Variants in STX7 observed in about 807,000 individuals in gnomAD.
STX7 encodes syntaxin 7.
Under a neutral mutation model 39.6 loss-of-function variants are expected in STX7, and 34 were observed. The ratio of observed to expected loss-of-function variants is 0.86; its 90% CI spans 0.65 to 1.14. The LOEUF (loss-of-function observed/expected upper bound fraction) is 1.14. STX7 is among the 50% of genes most tolerant of loss of function. The pLI is 0.00. For missense variants in STX7, 284 were observed against 310.4 expected, an observed-to-expected ratio of 0.92 and a Z score of 0.64; for synonymous variants, 119 against 99.1, an observed-to-expected ratio of 1.20 and a Z score of -1.19.
intron 2 of STX7, among the ~76,000 whole-genome samples, chr6:132,490,796 T>C (rs1775260895): frequency 2.6e-5 from 4 of 152,096 alleles, no homozygotes; most frequent in Admixed American, 2.6e-4. Flanking sequence ...CAGGAGGCCA[T>C]GGGCTGCCGA....
intron 6 of STX7, 150 bp downstream of exon 6, chr6:132,470,424 T>G (rs536058892): frequency 5.4e-4 from 242 of 449,386 alleles, no homozygotes; most frequent in Non-Finnish European, 7.9e-4. Context: ...TACTTAAAAT[T>G]TTTTTCAAAT....
At chr6:132,478,691 C>T (rs970486977) in intron 2 of STX7, among the ~76,000 whole-genome samples, 1 of 152,180 alleles carries the variant, frequency 6.6e-6, no homozygotes, top group South Asian at 2.1e-4. Flanking sequence ...CAGGTGGTGA[C>T]TCCAACTGCA....
At chr6:132,480,238 T>C (rs116735958) in intron 2 of STX7, among the ~76,000 whole-genome samples, 2,014 of 152,292 alleles carry the variant, frequency 0.013, 27 homozygotes, top group Middle Eastern at 0.034. Flanking sequence ...TATTCTGTTA[T>C]CTAGAAGCTG....
At position 132,456,624 on chromosome 6, in the gene STX7, T is replaced by C. The variant is rs1057114694; in HGVS notation, c.*4134A>G. 5 of 152,154 alleles carry C rather than the reference T, an allele frequency of 3.3e-5. No homozygotes were observed. The highest frequency in any genetic ancestry group is 1.2e-4 in the African/African-American group (5 of 41,438). 9.4% of individuals were successfully genotyped at this position (152,154 alleles called of 1,614,324 possible). On this transcript the variant is annotated 3_prime_UTR_variant, in exon 10 of 10. Coordinates refer to ENST00000367941, the MANE Select transcript of STX7 (RefSeq NM_003569.3). Reference sequence around the variant, plus strand: ...TTAGTATATGTATTTTTTATTTTGGTTGGAAAAAAATGACTTGCTTACCAT... The same window carrying C: ...TTAGTATATGTATTTTTTATTTTGGCTGGAAAAAAATGACTTGCTTACCAT...
rs1019465595 is a variant in STX7, at chr6:132,460,469, GTAAA to G, written c.*285_*288del. 4 of 220,118 alleles carry G rather than the reference GTAAA, an allele frequency of 1.8e-5. No homozygotes were observed. The highest frequency in any genetic ancestry group is 2.6e-4 in the South Asian group (2 of 7,750). The allele number at this position is 220,118 out of a possible 1,614,324, so 13.6% of individuals were successfully genotyped here. On this transcript the variant is annotated 3_prime_UTR_variant, in exon 10 of 10. Coordinates refer to ENST00000367941, the MANE Select transcript of STX7 (RefSeq NM_003569.3). ...AATTCCCAAAACTAAGTCAAGCAGG[GTAAA>G]TAAATTATAAATGAAAGGCATATGC... is the stretch of plus-strand genomic sequence containing the variant.
rs1445053864 is a variant in STX7, at chr6:132,459,942, G to A, written c.*816C>T. The A allele has an allele frequency of 5.3e-5, 8 of 152,282 alleles. No individual in the cohort carries two copies. Among genetic ancestry groups the A allele is most frequent in the African/African-American group, 1.9e-4 (8 of 41,560 alleles). The allele number at this position is 152,282 out of a possible 1,614,324, so 9.4% of individuals were successfully genotyped here. On this transcript the variant is annotated 3_prime_UTR_variant, in exon 10 of 10. Coordinates refer to ENST00000367941, the MANE Select transcript of STX7 (RefSeq NM_003569.3). ...ATGGCCCACAAAACCAGATGATATGGTTAAGATAACTAGTTTAGTGGAATA... is the reference window on the plus strand; with the variant it reads ...ATGGCCCACAAAACCAGATGATATGATTAAGATAACTAGTTTAGTGGAATA...
Position 132,457,454 on chromosome 6 carries a change from T to C in STX7, c.*3304A>G, listed in dbSNP as rs1014889894. The C allele has an allele frequency of 6.6e-6, 1 of 152,206 alleles. No homozygotes were observed. The highest frequency in any genetic ancestry group is 1.5e-5 in the Non-Finnish European group (1 of 68,038). The allele number at this position is 152,206 out of a possible 1,614,324, so 9.4% of individuals were successfully genotyped here. A position where few individuals can be genotyped will look rare whatever the true frequency, so the allele number is the denominator to read the frequency against. ...TCCTAAATACTCAGAAAAAAATGGT[T>C]TTATCTTAATTGATTTATAAATTAT... On this transcript the variant is annotated 3_prime_UTR_variant, in exon 10 of 10. Coordinates refer to ENST00000367941, the MANE Select transcript of STX7 (RefSeq NM_003569.3).
In STX7 at chr6:132,455,712, T is replaced by G. The variant is rs1046736646; in HGVS notation, c.*5046A>C. On this transcript the variant is annotated 3_prime_UTR_variant, in exon 10 of 10. Coordinates refer to ENST00000367941, the MANE Select transcript of STX7 (RefSeq NM_003569.3). ...CTATTTAGTGTGTTATTTAGCTCTA[T>G]TTCTGCATTTAAAATTAGGATTATT... The G allele has an allele frequency of 1.1e-4, 16 of 152,202 alleles. No homozygotes were observed. The highest frequency in any genetic ancestry group is 3.9e-4 in the African/African-American group (16 of 41,456). The allele number at this position is 152,202 out of a possible 1,614,324, so 9.4% of individuals were successfully genotyped here.
chr6:132,499,748 T>A (rs911118530), intron 2 of STX7, among the ~76,000 whole-genome samples: 3 of 152,206 alleles, frequency 2.0e-5, no homozygotes, highest in Non-Finnish European at 4.4e-5. Context: ...ACTTTACACC[T>A]ATGGTTTTAA....
intron 5 of STX7, 121 bp from the exon 6 acceptor site, chr6:132,470,747 A>C (rs913718116): frequency 1.7e-6 from 1 of 582,968 alleles, no homozygotes; most frequent in African/African-American, 1.9e-5. Flanking sequence ...GTCTGTGTGT[A>C]TGTGTGTGTG....
At chr6:132,480,687 C>T (rs1774995883) in intron 2 of STX7, among the ~76,000 whole-genome samples, 1 of 152,192 alleles carries the variant, frequency 6.6e-6, no homozygotes, top group Non-Finnish European at 1.5e-5. Context: ...ACCACATAGC[C>T]TGTGAGCAGG....
intron 2 of STX7, among the ~76,000 whole-genome samples, chr6:132,486,583 G>A (rs181721800): frequency 5.3e-5 from 8 of 151,716 alleles, no homozygotes; most frequent in East Asian, 3.9e-4. Context: ...TAAAATATTG[G>A]TGATTTGATT....
intron 8 of STX7, among the ~76,000 whole-genome samples, chr6:132,468,160 C>T (rs1720607775): frequency 6.6e-6 from 1 of 152,120 alleles, no homozygotes; most frequent in Non-Finnish European, 1.5e-5. Flanking sequence ...CAGCAATAGG[C>T]CCTGATTAAA....
At chr6:132,477,520 AC>A (rs1774903821) in intron 2 of STX7, among the ~76,000 whole-genome samples, 1 of 152,172 alleles carries the variant, frequency 6.6e-6, no homozygotes, top group Non-Finnish European at 1.5e-5. Context: ...ATAGCAAAAT[AC>A]ATTTTTAATA....
chr6:132,447,184 G>C lies in STX7; in HGVS notation c.*13574C>G, dbSNP rs899412622. 1 of 152,176 alleles carries C rather than the reference G, an allele frequency of 6.6e-6. No individual in the cohort carries two copies. Among genetic ancestry groups the C allele is most frequent in the African/African-American group, 2.4e-5 (1 of 41,454 alleles). 9.4% of individuals were successfully genotyped at this position (152,176 alleles called of 1,614,324 possible). On this transcript the variant is annotated 3_prime_UTR_variant, in exon 10 of 10. Transcript: ENST00000367941. ...CTTTTAAGTAAAACACCCTAAGATGGAACTTACTGTGTAGTGGAAAGAGTT... is the reference window on the plus strand; with the variant it reads ...CTTTTAAGTAAAACACCCTAAGATGCAACTTACTGTGTAGTGGAAAGAGTT...
In STX7 at chr6:132,448,917, A is replaced by C. The variant is rs1418408173; in HGVS notation, c.*11841T>G. The C allele has an allele frequency of 6.7e-6, 1 of 150,370 alleles. No homozygotes were observed. The highest frequency in any genetic ancestry group is 1.5e-5 in the Non-Finnish European group (1 of 67,622). 9.3% of individuals were successfully genotyped at this position (150,370 alleles called of 1,614,324 possible). ...ATAAGTTATTCTGGCTGCTTTTAAG[A>C]TATCTTTGCCTTTATTGTTCTGAAG... On this transcript the variant is annotated 3_prime_UTR_variant, in exon 10 of 10. Transcript: ENST00000367941.
In STX7 at chr6:132,468,478, A is replaced by G; in HGVS notation, c.538-3T>C. On this transcript the variant is annotated splice_region_variant and splice_polypyrimidine_tract_variant and intron_variant, in intron 7 of 9. Transcript: ENST00000367941. ...TCATTAATATCCATAATATCAGCCT[A>G]AGAGAAAACGCATATATTATTATAA... is the stretch of plus-strand genomic sequence containing the variant. 1 of 1,591,650 alleles carries G rather than the reference A, an allele frequency of 6.3e-7. No homozygotes were observed. The highest frequency in any genetic ancestry group is 1.8e-5 in the Admixed American group (1 of 55,390).
At position 132,448,932 on chromosome 6, in the gene STX7, T is replaced by C. The variant is rs1032645209; in HGVS notation, c.*11826A>G. 1 of 152,082 alleles carries C rather than the reference T, an allele frequency of 6.6e-6. No individual in the cohort carries two copies. Among genetic ancestry groups the C allele is most frequent in the Non-Finnish European group, 1.5e-5 (1 of 68,008 alleles). 9.4% of individuals were successfully genotyped at this position (152,082 alleles called of 1,614,324 possible). On this transcript the variant is annotated 3_prime_UTR_variant, in exon 10 of 10. Coordinates refer to ENST00000367941, the MANE Select transcript of STX7 (RefSeq NM_003569.3). ...TGCTTTTAAGATATCTTTGCCTTTA[T>C]TGTTCTGAAGTTTGAGTATAATGAA...
intron 2 of STX7, among the ~76,000 whole-genome samples, chr6:132,480,093 T>C (rs973798224): frequency 6.6e-6 from 1 of 152,036 alleles, no homozygotes; most frequent in Admixed American, 6.6e-5. Context: ...CCCGACCCCA[T>C]GCTTCTACCA....
Sources: gnomAD v4.1 joint callset for allele counts (sites outside exome capture counted in the v4.1 genomes callset) on GRCh38, gnomAD v4.1.1 for gene constraint, MANE v1.5 for transcripts, NCBI Gene and HGNC (gene_info 2026-07-23, HGNC 2026-07-21) for gene names.